Variants in ZNF532 observed in about 807,000 individuals in gnomAD.
The protein encoded by ZNF532 is zinc finger protein 532.
A neutral mutation model predicts 89.3 loss-of-function variants in ZNF532; 22 were observed. The ratio of observed to expected loss-of-function variants is 0.25; its 90% CI spans 0.18 to 0.35. The LOEUF (loss-of-function observed/expected upper bound fraction) is 0.35, where lower values mean the gene tolerates loss of function less well. Ranked by LOEUF, ZNF532 falls within the 10% of genes least tolerant of loss-of-function variation. ZNF532 has a pLI of 1.00. For synonymous variants in ZNF532, 606 were observed against 649.6 expected (o/e 0.93, Z 1.02); for missense variants, 1,132 against 1,643.4 (o/e 0.69, Z 5.38).
intron 5 of ZNF532, among the ~76,000 whole-genome samples, chr18:58,944,315 A>T (rs2063468899): frequency 6.6e-6 from 1 of 151,772 alleles, no homozygotes; most frequent in African/African-American, 2.4e-5. Flanking sequence ...TTAGCTTTTT[A>T]TTCTTTTCTC....
At chr18:58,890,724 T>G (rs2058835371) in intron 2 of ZNF532, among the ~76,000 whole-genome samples, 1 of 152,000 alleles carries the variant, frequency 6.6e-6, no homozygotes, top group African/African-American at 2.4e-5. Context: ...CCCCTTCTTT[T>G]TCTCCATCCT....
chr18:58,974,991 G>A (rs1178217444), intron 7 of ZNF532, among the ~76,000 whole-genome samples: 1 of 152,140 alleles, frequency 6.6e-6, no homozygotes, highest in Non-Finnish European at 1.5e-5. Flanking sequence ...TTGAAGTTTT[G>A]CATAGTGCAG....
rs1373417781 is a variant in ZNF532 at position 58,916,603 on chromosome 18, C to T, written c.-17-1668C>T. The stretch of plus-strand genomic sequence containing the variant: ...GTGACTTCTTCAGCTCGGTATTAAC[C>T]GAGACAGGTGTGAATAGAAGCGGAT... On this transcript the variant is annotated intron_variant, in intron 2 of 9. Transcript: ENST00000591808. 4.2e-5 allele frequency: 24 copies of T among 578,122 alleles called. No individual in the cohort carries two copies. In the Admixed American group the frequency reaches 1.4e-3, roughly 34 times the overall value. The allele number at this position is 578,122 out of a possible 1,614,324, so 35.8% of individuals were successfully genotyped here.
chr18:58,964,535 TTGTGTGTGTGTGTGTGTGTGTGTGTGTG>T (rs200298951), intron 7 of ZNF532, among the ~76,000 whole-genome samples: 18 of 138,630 alleles, frequency 1.3e-4, no homozygotes, highest in African/African-American at 4.8e-4. Flanking sequence ...GATATTTTGT[TTGTGTGTGTGTGTGTGTGTGTGTGTGTG>T]TGTGTGTGTG....
chr18:58,913,926 T>G (rs2060435403), intron 2 of ZNF532, among the ~76,000 whole-genome samples: 1 of 152,240 alleles, frequency 6.6e-6, no homozygotes, highest in Non-Finnish European at 1.5e-5. Flanking sequence ...GATTTAGGCG[T>G]GCATCTTTCT....
intron 3 of ZNF532, chr18:58,934,195 T>C (rs2062178814): frequency 2.4e-6 from 1 of 414,342 alleles, no homozygotes; most frequent in East Asian, 3.5e-5. Context: ...GAAACAGGTG[T>C]TTTTAGCTCA....
chr18:58,928,860 T>G (rs1244403860), intron 3 of ZNF532, among the ~76,000 whole-genome samples: 1 of 152,178 alleles, frequency 6.6e-6, no homozygotes, highest in African/African-American at 2.4e-5. Context: ...ATGAAGTATT[T>G]AAGAGCTGAG....
At chr18:58,932,213 G>A (rs543385692) in intron 3 of ZNF532, among the ~76,000 whole-genome samples, 1 of 152,308 alleles carries the variant, frequency 6.6e-6, no homozygotes, top group East Asian at 1.9e-4. Flanking sequence ...TCGAAAGTGG[G>A]TGAGGAGCCT....
At chr18:58,951,300 C>A (rs1181890698) in intron 6 of ZNF532, among the ~76,000 whole-genome samples, 1 of 152,090 alleles carries the variant, frequency 6.6e-6, no homozygotes, top group African/African-American at 2.4e-5. Context: ...TAACTTGTTG[C>A]TTCTTTTCTG....
Position 58,919,579 on chromosome 18 carries a change from A to G in ZNF532, c.1292A>G (p.Asn431Ser), listed in dbSNP as rs1164860391. The G allele has an allele frequency of 4.3e-6, 7 of 1,614,110 alleles. No homozygotes were observed. The highest frequency in any genetic ancestry group is 2.2e-5 in the South Asian group (2 of 91,076). ...CCTCTCCAGTCTGCGGTCGTGACCA[A>G]TGCAGTTTCCCCTGCAGAGCTCACC... ...RAPLQSAVVT[N>S]AVSPAELTPK... The change falls in exon 3 of 10, where the codon AAT becomes AGT. Residue 431 changes from asparagine (N) to serine (S), a missense_variant. By Grantham distance (46) the Asn-to-Ser change is conservative. Coordinates refer to ENST00000591808, the MANE Select transcript of ZNF532 (RefSeq NM_001375912.1). The surrounding 1 kb of genome is among the most constrained non-coding windows in gnomAD (Gnocchi z 6.1).
chr18:58,911,520 T>C (rs534228109), intron 2 of ZNF532, among the ~76,000 whole-genome samples: 581 of 152,214 alleles, frequency 3.8e-3, no homozygotes, highest in Non-Finnish European at 5.6e-3. Flanking sequence ...CGAGGCCAGT[T>C]TGAGACCAGT....
chr18:58,954,664 T>A (rs2064567331), intron 7 of ZNF532, among the ~76,000 whole-genome samples: 1 of 151,790 alleles, frequency 6.6e-6, no homozygotes, highest in African/African-American at 2.4e-5. Flanking sequence ...ATTGATACTT[T>A]TTTTTTTTTA....
In ZNF532 at chr18:58,984,170, C is replaced by T; in HGVS notation, c.3610C>T (p.Gln1204Ter). ...PQHKSDGSSYQCRECGLCYTS... is the reference protein window; with the variant it reads ...PQHKSDGSSY ...GCACAAATCGGATGGTTCTTCCTAC[C>T]AGTGCCGGGAGTGTGGCCTCTGCTA... The change falls in exon 10 of 10, where the codon CAG (glutamine) becomes TAG (stop). Residue 1204 changes from glutamine to a stop codon, truncating the protein, a stop_gained. Coordinates refer to ENST00000591808, the MANE Select transcript of ZNF532 (RefSeq NM_001375912.1). LOFTEE classifies it high-confidence loss of function. 6.2e-7 allele frequency: 1 copy of T among 1,611,874 alleles called. No homozygotes were observed. The highest frequency in any genetic ancestry group is 8.5e-7 in the Non-Finnish European group (1 of 1,179,838).
intron 2 of ZNF532, among the ~76,000 whole-genome samples, chr18:58,871,835 T>C (rs1306091738): frequency 3.3e-5 from 5 of 152,212 alleles, no homozygotes; most frequent in Admixed American, 6.5e-5. Context: ...AAAAGACTTA[T>C]TTTATTGGGC....
chr18:58,923,539 TG>T (rs1395105217), intron 3 of ZNF532, among the ~76,000 whole-genome samples: 3 of 151,968 alleles, frequency 2.0e-5, no homozygotes, highest in African/African-American at 2.4e-5. Flanking sequence ...CATGTGGCCA[TG>T]GGGGTTCTCG....
rs369728998 is a variant in ZNF532 at position 58,925,436 on chromosome 18, AT to A, written c.2346+4804del. ...CCTTTTTGGTGAAATGTCTCTTCAT[AT>A]CTTTTGCCCATTTCTAATTAGGTTG... On this transcript the variant is annotated intron_variant, in intron 3 of 9. Transcript: ENST00000591808. Among the ~76,000 whole-genome samples, 62 of 152,290 alleles carry A rather than the reference AT, an allele frequency of 4.1e-4. No homozygotes were observed. The East Asian group carries it at 6.8e-3, about 17-fold the overall frequency.
At chr18:58,889,666 G>C (rs2058741487) in intron 2 of ZNF532, among the ~76,000 whole-genome samples, 2 of 151,942 alleles carry the variant, frequency 1.3e-5, no homozygotes, top group South Asian at 4.2e-4. Flanking sequence ...CCAGCTACTC[G>C]GGAGGCTGAG....
intron 7 of ZNF532, 75 bp from the exon 8 acceptor site, chr18:58,978,980 A>G: frequency 8.3e-7 from 1 of 1,212,022 alleles, no homozygotes; most frequent in East Asian, 2.4e-5. Flanking sequence ...AACTTAAACT[A>G]TTACAAAAGA....
chr18:58,926,086 A>C (rs558472030), intron 3 of ZNF532: 1 of 152,120 alleles, frequency 6.6e-6, no homozygotes, highest in Non-Finnish European at 1.5e-5. Flanking sequence ...TTTTCATATA[A>C]ATTTTAGAAT....
Sources: gnomAD v4.1 joint callset for allele counts (sites outside exome capture counted in the v4.1 genomes callset) on GRCh38, gnomAD v4.1.1 for gene constraint, Gnocchi (gnomAD v3.1) non-coding constraint, MANE v1.5 for transcripts, NCBI Gene and HGNC (gene_info 2026-07-23, HGNC 2026-07-21) for gene names.